The following CDC14A variants were observed in gnomAD, a reference collection of about 807,000 sequenced individuals.
The protein encoded by CDC14A is cell division cycle 14A, also known as dual specificity protein phosphatase CDC14A.
A neutral mutation model predicts 74.4 loss-of-function variants in CDC14A; 53 were observed. That is an observed-to-expected ratio of 0.71 (90% CI 0.57 to 0.89). The LOEUF is 0.89. CDC14A is among the 40% of genes least tolerant of loss of function. CDC14A has a pLI of 0.00. For missense variants in CDC14A, 646 were observed against 713.7 expected, an observed-to-expected ratio of 0.91 and a Z score of 1.08; for synonymous variants, 247 against 258.4, an observed-to-expected ratio of 0.96 and a Z score of 0.43.
chr1:100,435,142 G>A (rs1464675970), intron 5 of CDC14A, among the ~76,000 whole-genome samples: 2 of 152,188 alleles, frequency 1.3e-5, no homozygotes, highest in Non-Finnish European at 2.9e-5. Flanking sequence ...TATGGAGTGA[G>A]AAGAATTTTG....
chr1:100,432,048 A>G (rs1663751067), intron 5 of CDC14A, among the ~76,000 whole-genome samples: 1 of 152,124 alleles, frequency 6.6e-6, no homozygotes, highest in African/African-American at 2.4e-5. Flanking sequence ...GATGAGTAAA[A>G]TGATTCCTGT....
At chr1:100,367,667 T>C (rs1653828125) in intron 2 of CDC14A, among the ~76,000 whole-genome samples, 1 of 152,238 alleles carries the variant, frequency 6.6e-6, no homozygotes, top group Non-Finnish European at 1.5e-5. Context: ...TGAAGACTTG[T>C]TCAAAATTGC....
At chr1:100,417,219 T>C (rs1661651472) in intron 4 of CDC14A, among the ~76,000 whole-genome samples, 1 of 152,064 alleles carries the variant, frequency 6.6e-6, no homozygotes, top group South Asian at 2.1e-4. Context: ...ACGGAGGAGG[T>C]GGCATCTAAA....
At chr1:100,430,401 G>A (rs1197942938) in intron 5 of CDC14A, among the ~76,000 whole-genome samples, 1 of 152,150 alleles carries the variant, frequency 6.6e-6, no homozygotes, top group Non-Finnish European at 1.5e-5. Flanking sequence ...GTTGAGGGAG[G>A]TGTTTGTTGT....
chr1:100,431,098 A>T (rs1557752606), intron 5 of CDC14A, among the ~76,000 whole-genome samples: 1 of 152,218 alleles, frequency 6.6e-6, no homozygotes, highest in Non-Finnish European at 1.5e-5. Context: ...ACCCCCATGA[A>T]AAAAGACTCT....
At chr1:100,404,813 G>C (rs1190394762) in intron 4 of CDC14A, among the ~76,000 whole-genome samples, 1 of 151,926 alleles carries the variant, frequency 6.6e-6, no homozygotes, top group African/African-American at 2.4e-5. Context: ...CTGGGCAACA[G>C]AGCGAGACTC....
At chr1:100,450,321 A>G (rs1666010060) in intron 7 of CDC14A, among the ~76,000 whole-genome samples, 2 of 152,338 alleles carry the variant, frequency 1.3e-5, no homozygotes, top group East Asian at 3.9e-4. Context: ...TGATGCTTCA[A>G]GACTTTGTTT....
At chr1:100,464,126 A>G (rs528582273) in intron 9 of CDC14A, among the ~76,000 whole-genome samples, 2 of 152,310 alleles carry the variant, frequency 1.3e-5, no homozygotes, top group East Asian at 3.9e-4. Flanking sequence ...TACTTTGTGA[A>G]CATGTGAGCA....
chr1:100,508,223 CTGTTA>C lies in CDC14A; in HGVS notation c.1755+8963_1755+8967del. Reference sequence around the variant, plus strand: ...CTAATTTGATCCTTATGATAGCCATCTGTTATAATTTGGGCCCGCCTGTTTTTGTT... The same window carrying C: ...CTAATTTGATCCTTATGATAGCCATCTAATTTGGGCCCGCCTGTTTTTGTT... On this transcript the variant is annotated intron_variant, in intron 15 of 15. Coordinates refer to ENST00000336454, the MANE Select transcript of CDC14A (RefSeq NM_003672.4). The surrounding 1 kb of genome is among the most constrained non-coding windows in gnomAD (Gnocchi z 4.4). Among the ~76,000 whole-genome samples the C allele has an allele frequency of 6.6e-6, 1 of 151,866 alleles. No individual in the cohort carries two copies. Among genetic ancestry groups the C allele is most frequent in the Non-Finnish European group, 1.5e-5 (1 of 68,002 alleles).
intron 8 of CDC14A, 129 bp from the exon 9 acceptor site, chr1:100,462,522 C>G: frequency 2.8e-6 from 2 of 705,130 alleles, no homozygotes; most frequent in Non-Finnish European, 4.8e-6. Flanking sequence ...GTGACCTCTT[C>G]TCTCACACAA....
chr1:100,400,260 ACAATTCTGT>A, intron 4 of CDC14A, among the ~76,000 whole-genome samples: 1 of 152,352 alleles, frequency 6.6e-6, no homozygotes, highest in South Asian at 2.1e-4. Context: ...ATTTTGACTC[ACAATTCTGT>A]AAATTCTGAT....
chr1:100,420,031 TACACAC>T (rs368385925), intron 4 of CDC14A, among the ~76,000 whole-genome samples: 8 of 82,894 alleles, frequency 9.7e-5, no homozygotes, highest in African/African-American at 2.1e-4. Flanking sequence ...TATACATATA[TACACAC>T]ACACACACAC....
At chr1:100,473,527 C>G (rs1668595538) in intron 10 of CDC14A, among the ~76,000 whole-genome samples, 1 of 152,092 alleles carries the variant, frequency 6.6e-6, no homozygotes, top group Admixed American at 6.6e-5. Flanking sequence ...GCTGGGATTA[C>G]AGGCGTGTGC....
chr1:100,406,396 T>A lies in CDC14A; in HGVS notation c.309+15572T>A, dbSNP rs1432167229. Among the ~76,000 whole-genome samples the A allele has an allele frequency of 2.6e-5, 4 of 152,252 alleles. No homozygotes were observed. The East Asian group carries it at 7.7e-4, about 29-fold the overall frequency. On this transcript the variant is annotated intron_variant, in intron 4 of 15. Transcript: ENST00000336454. ...CTCTTTAGTTCAATTAGATCCCATT[T>A]GTCAATTTTTTCTTTTGTTGCAATT...
At chr1:100,393,003 C>T in intron 4 of CDC14A, 1 of 1,286,132 alleles carries the variant, frequency 7.8e-7, no homozygotes, top group Non-Finnish European at 1.1e-6. Flanking sequence ...TTTGTGAGAG[C>T]CCAACTTTTC....
At chr1:100,368,300 TAATTTA>T (rs1451135838) in intron 2 of CDC14A, among the ~76,000 whole-genome samples, 1 of 152,240 alleles carries the variant, frequency 6.6e-6, no homozygotes, top group Non-Finnish European at 1.5e-5. Flanking sequence ...TCACCTTAGT[TAATTTA>T]AATTTAAATA....
chr1:100,359,593 A>G (rs1434090609), intron 2 of CDC14A, among the ~76,000 whole-genome samples: 2 of 152,106 alleles, frequency 1.3e-5, no homozygotes, highest in African/African-American at 4.8e-5. Flanking sequence ...TTTCTTTGTA[A>G]TTTCACTTTT....
chr1:100,472,510 GT>G (rs919358113), intron 10 of CDC14A, among the ~76,000 whole-genome samples: 1 of 151,882 alleles, frequency 6.6e-6, no homozygotes, highest in Non-Finnish European at 1.5e-5. Flanking sequence ...GTTTTTCAAG[GT>G]TTTTTTCAGT....
chr1:100,396,685 A>G (rs1237500747), intron 4 of CDC14A, among the ~76,000 whole-genome samples: 1 of 152,234 alleles, frequency 6.6e-6, no homozygotes, highest in Non-Finnish European at 1.5e-5. Flanking sequence ...TTTTTGTGGT[A>G]AAATATACGT....
Sources: gnomAD v4.1 joint callset for allele counts (sites outside exome capture counted in the v4.1 genomes callset) on GRCh38, gnomAD v4.1.1 for gene constraint, Gnocchi (gnomAD v3.1) non-coding constraint, MANE v1.5 for transcripts, NCBI Gene and HGNC (gene_info 2026-07-23, HGNC 2026-07-21) for gene names.